The following CRTC3 variants were observed in gnomAD, a reference collection of about 807,000 sequenced individuals.
CRTC3 encodes CREB regulated transcription coactivator 3.
A neutral mutation model predicts 74.5 loss-of-function variants in CRTC3; 26 were observed. The observed-to-expected ratio is 0.35, with a 90% confidence interval of 0.26 to 0.48. The LOEUF (loss-of-function observed/expected upper bound fraction) is 0.48, where lower values mean the gene tolerates loss of function less well. Among genes scored for constraint, CRTC3 ranks in the 20% least tolerant of loss-of-function variants. The pLI is 0.99. For missense variants in CRTC3, 760 were observed against 787.3 expected, an observed-to-expected ratio of 0.97 and a Z score of 0.41; for synonymous variants, 377 against 325.8, an observed-to-expected ratio of 1.16 and a Z score of -1.69.
Position 90,530,106 on chromosome 15 carries a change from C to T in CRTC3, c.35C>T (p.Pro12Leu), listed in dbSNP as rs1966599589. 3.4e-6 allele frequency: 5 copies of T among 1,453,354 alleles called. No individual in the cohort carries two copies. Among genetic ancestry groups the T allele is most frequent in the Non-Finnish European group, 4.6e-6 (5 of 1,087,538 alleles). The allele number at this position is 1,453,354 out of a possible 1,614,324, so 90.0% of individuals were successfully genotyped here. A position where few individuals can be genotyped will look rare whatever the true frequency, so the allele number is the denominator to read the frequency against. ...TCGCCGGGCTCGGGCAGCGCCAACC[C>T]GCGGAAGTTCAGTGAGAAGATCGCG... is the stretch of plus-strand genomic sequence containing the variant. ...AASPGSGSANPRKFSEKIALH... is the reference protein window; with the variant it reads ...AASPGSGSANLRKFSEKIALH... Residue 12 changes from proline to leucine, a missense_variant, in exon 1 of 15, where the codon CCG becomes CTG. Pro to Leu is a moderately conservative substitution (Grantham distance 98). This residue lies in a region of CRTC3 where 108 missense variants were observed against 152.1 expected (regional missense o/e 0.71). Transcript: ENST00000268184. This position sits in a 1 kb window ranked among gnomAD's most constrained non-coding sequence, Gnocchi z 6.2.
In CRTC3 at chr15:90,593,767, T is replaced by C. The variant is rs761552338; in HGVS notation, c.351+12T>C. Reference sequence around the variant, plus strand: ...AGCCAGGGCGACAAATATCCTTTTTTACTCTTCAAAGGGAGTGTGCATTCT... The same window carrying C: ...AGCCAGGGCGACAAATATCCTTTTTCACTCTTCAAAGGGAGTGTGCATTCT... On this transcript the variant is annotated intron_variant, in intron 3 of 14. Transcript: ENST00000268184. The C allele has an allele frequency of 1.0e-5, 16 of 1,594,888 alleles. No individual in the cohort carries two copies. The highest frequency in any genetic ancestry group is 1.7e-5 in the Admixed American group (1 of 59,548).
chr15:90,629,648 A>G (rs922832347), intron 11 of CRTC3, 116 bp downstream of exon 11: 2 of 974,108 alleles, frequency 2.1e-6, no homozygotes, highest in Non-Finnish European at 3.1e-6. Flanking sequence ...AGCACCCATG[A>G]GGTCTCAAGT....
At chr15:90,601,140 G>A (rs1968057220) in intron 3 of CRTC3, among the ~76,000 whole-genome samples, 1 of 152,182 alleles carries the variant, frequency 6.6e-6, no homozygotes, top group Non-Finnish European at 1.5e-5. Flanking sequence ...GTCTTCAGAA[G>A]GCTATTGTGT....
At chr15:90,542,282 G>C (rs1966815712) in intron 2 of CRTC3, among the ~76,000 whole-genome samples, 1 of 149,298 alleles carries the variant, frequency 6.7e-6, no homozygotes, top group South Asian at 2.1e-4. Flanking sequence ...GAGTTCAAGA[G>C]ATTCTTCTGC....
In CRTC3 at chr15:90,617,948, C is replaced by G; in HGVS notation, c.679C>G (p.Gln227Glu). The change falls in exon 8 of 15, where the codon CAA becomes GAA. Residue 227 changes from glutamine to glutamate, a missense_variant. Transcript: ENST00000268184. ...AAATGTTCCGAAGCCACTGCCAAAACAACTGTGGGAGACCAAGGAGGTGGG... is the reference window on the plus strand; with the variant it reads ...AAATGTTCCGAAGCCACTGCCAAAAGAACTGTGGGAGACCAAGGAGGTGGG... ...LLNVPKPLPK[Q>E]LWETKEIQSL... is the part of the protein sequence containing the mutation. 6.2e-7 allele frequency: 1 copy of G among 1,610,324 alleles called. No homozygotes were observed. Among genetic ancestry groups the G allele is most frequent in the South Asian group, 1.1e-5 (1 of 90,976 alleles).
intron 7 of CRTC3, among the ~76,000 whole-genome samples, chr15:90,615,379 T>A (rs1011180369): frequency 6.6e-6 from 1 of 152,230 alleles, no homozygotes; most frequent in African/African-American, 2.4e-5. Context: ...ATTTAATTTT[T>A]ATAATCTAAA....
At chr15:90,547,223 TATC>T (rs1966845869) in intron 2 of CRTC3, among the ~76,000 whole-genome samples, 1 of 152,238 alleles carries the variant, frequency 6.6e-6, no homozygotes, top group South Asian at 2.1e-4. Flanking sequence ...CTCACATCAT[TATC>T]ATTTCTTTTG....
intron 2 of CRTC3, among the ~76,000 whole-genome samples, chr15:90,550,965 T>G (rs1966854822): frequency 6.6e-6 from 1 of 152,118 alleles, no homozygotes; most frequent in African/African-American, 2.4e-5. Context: ...CTGATTCTCA[T>G]TAAATATTTT....
At chr15:90,539,694 A>G (rs1045771889) in intron 1 of CRTC3, 82 of 268,976 alleles carry the variant, frequency 3.0e-4, no homozygotes, top group Non-Finnish European at 4.0e-4. Flanking sequence ...AAAACAGCTA[A>G]TGTGTTAGGG....
intron 1 of CRTC3, among the ~76,000 whole-genome samples, chr15:90,537,144 T>C (rs951329895): frequency 2.0e-5 from 3 of 152,214 alleles, no homozygotes; most frequent in Non-Finnish European, 2.9e-5. Context: ...CAAAGTTCTT[T>C]TTCTAGCTCA....
At chr15:90,598,567 G>C (rs1005779599) in intron 3 of CRTC3, 2 of 701,384 alleles carry the variant, frequency 2.9e-6, no homozygotes, top group Non-Finnish European at 5.2e-6. Flanking sequence ...GGATGACTCT[G>C]AGATCCTAAC....
intron 6 of CRTC3, among the ~76,000 whole-genome samples, chr15:90,607,735 A>G (rs1384181469): frequency 6.6e-6 from 1 of 152,142 alleles, no homozygotes; most frequent in Non-Finnish European, 1.5e-5. Context: ...GGCACCCGTC[A>G]TCTTCTAATA....
At chr15:90,560,947 C>T (rs879410722) in intron 2 of CRTC3, among the ~76,000 whole-genome samples, 3 of 152,200 alleles carry the variant, frequency 2.0e-5, no homozygotes, top group African/African-American at 4.8e-5. Context: ...TCATAAGTCT[C>T]TATGACCTGC....
chr15:90,608,865 C>T (rs996709267), intron 6 of CRTC3, among the ~76,000 whole-genome samples: 1 of 152,210 alleles, frequency 6.6e-6, no homozygotes, highest in Admixed American at 6.5e-5. Flanking sequence ...TCAAGCCTAC[C>T]TTTCTGGGGT....
chr15:90,616,867 T>G (rs138097710), intron 7 of CRTC3, among the ~76,000 whole-genome samples: 355 of 152,330 alleles, frequency 2.3e-3, no homozygotes, highest in African/African-American at 8.1e-3. Context: ...CTCTTGGTTG[T>G]TGGTTCCTCT....
intron 11 of CRTC3, chr15:90,635,111 A>G (rs921802748): frequency 1.2e-5 from 8 of 664,310 alleles, no homozygotes; most frequent in Non-Finnish European, 1.6e-5. Context: ...TCATGTAAAT[A>G]ATTTCCATAT....
Position 90,593,675 on chromosome 15 carries a change from C to T in CRTC3, c.271C>T (p.His91Tyr). Residue 91 changes from histidine to tyrosine, a missense_variant, in exon 3 of 15, where the codon CAT (histidine) becomes TAT (tyrosine). This residue lies in a region of CRTC3 where 108 missense variants were observed against 152.1 expected (regional missense o/e 0.71). Transcript: ENST00000268184. ...AGCTGATAATGTTCGGGGAACCCGCCATCACGGGCTGGTGGAGAGGCCATC... is the reference window on the plus strand; with the variant it reads ...AGCTGATAATGTTCGGGGAACCCGCTATCACGGGCTGGTGGAGAGGCCATC... ...HQADNVRGTR[H>Y]HGLVERPSRN... 1.2e-6 allele frequency: 2 copies of T among 1,611,154 alleles called. No individual in the cohort carries two copies. Among genetic ancestry groups the T allele is most frequent in the Non-Finnish European group, 1.7e-6 (2 of 1,177,418 alleles).
In CRTC3 at chr15:90,642,284, C is replaced by G. The variant is rs574068963; in HGVS notation, c.*144C>G. On this transcript the variant is annotated 3_prime_UTR_variant, in exon 15 of 15. Coordinates refer to ENST00000268184, the MANE Select transcript of CRTC3 (RefSeq NM_022769.5). ...CGGCTCCAGGGTTTCAGATGAGATC[C>G]CATCTCAGACACTGTGGCTTCCTCC... The G allele has an allele frequency of 5.7e-4, 376 of 661,498 alleles. No individual in the cohort carries two copies. The highest frequency in any genetic ancestry group is 5.2e-4 in the Non-Finnish European group (198 of 382,764). 41.0% of individuals were successfully genotyped at this position (661,498 alleles called of 1,614,324 possible).
chr15:90,538,546 G>A (rs1420086362), intron 1 of CRTC3, among the ~76,000 whole-genome samples: 13 of 152,138 alleles, frequency 8.5e-5, no homozygotes, highest in Non-Finnish European at 1.8e-4. Context: ...GTGATACCAT[G>A]TCTGAAATTT....
Sources: gnomAD v4.1 joint callset for allele counts (sites outside exome capture counted in the v4.1 genomes callset) on GRCh38, gnomAD v4.1.1 for gene constraint, gnomAD v4.1.1 regional missense constraint, Gnocchi (gnomAD v3.1) non-coding constraint, MANE v1.5 for transcripts, NCBI Gene and HGNC (gene_info 2026-07-23, HGNC 2026-07-21) for gene names.